Variants in MGMT observed in about 807,000 individuals in gnomAD.
MGMT encodes the protein methylated-DNA--protein-cysteine methyltransferase.
Under a neutral mutation model 15.9 loss-of-function variants are expected in MGMT, and 14 were observed. The ratio of observed to expected loss-of-function variants is 0.88; its 90% CI spans 0.58 to 1.37. The LOEUF (loss-of-function observed/expected upper bound fraction) is 1.37. Among genes scored for constraint, MGMT ranks in the 40% most tolerant of loss-of-function variants. MGMT has a pLI of 0.00. For synonymous variants in MGMT, 130 were observed against 118.2 expected (o/e 1.10, Z -0.65); for missense variants, 282 against 268.1 (o/e 1.05, Z -0.36).
chr10:129,625,726 CGTGT>C (rs527882213), intron 2 of MGMT, among the ~76,000 whole-genome samples: 19 of 3,330 alleles, frequency 5.7e-3, no homozygotes, highest in African/African-American at 6.2e-3. Flanking sequence ...AGTGTGCACA[CGTGT>C]GTGTGCGTGT....
intron 1 of MGMT, among the ~76,000 whole-genome samples, chr10:129,530,989 G>A (rs547188074): frequency 1.8e-4 from 27 of 152,334 alleles, no homozygotes; most frequent in Non-Finnish European, 4.0e-4. Context: ...TGCCCACCTC[G>A]TGCTAGCCTG....
chr10:129,483,220 G>T (rs1223372911), intron 1 of MGMT, among the ~76,000 whole-genome samples: 1 of 152,004 alleles, frequency 6.6e-6, no homozygotes, highest in African/African-American at 2.4e-5. Flanking sequence ...CCCATTTTTT[G>T]TTATATTATT....
At chr10:129,665,245 T>C (rs1293799181) in intron 2 of MGMT, among the ~76,000 whole-genome samples, 1 of 79,872 alleles carries the variant, frequency 1.3e-5, no homozygotes, top group Non-Finnish European at 2.5e-5. Flanking sequence ...CCAACTCACT[T>C]ACCCCCACAC....
intron 2 of MGMT, among the ~76,000 whole-genome samples, chr10:129,573,741 A>G (rs1184509529): frequency 6.6e-6 from 1 of 152,244 alleles, no homozygotes; most frequent in African/African-American, 2.4e-5. Context: ...ACAACAAAAA[A>G]GTGCCTGCTG....
At chr10:129,629,286 A>G (rs1406699704) in intron 2 of MGMT, among the ~76,000 whole-genome samples, 1 of 152,220 alleles carries the variant, frequency 6.6e-6, no homozygotes, top group Non-Finnish European at 1.5e-5. Flanking sequence ...GATTACGGAA[A>G]TATCTGCATG....
intron 3 of MGMT, among the ~76,000 whole-genome samples, chr10:129,729,692 T>C (rs1461924077): frequency 3.9e-5 from 6 of 152,242 alleles, no homozygotes; most frequent in African/African-American, 1.2e-4. Flanking sequence ...AGTAATGATA[T>C]GCCTGCCGCG....
At chr10:129,707,855 G>T in intron 2 of MGMT, 40 bp from the exon 3 acceptor site, 1 of 1,607,174 alleles carries the variant, frequency 6.2e-7, no homozygotes, top group Non-Finnish European at 8.5e-7. Flanking sequence ...GTGGAGGCAG[G>T]GCCCAGAGGT....
chr10:129,564,319 TC>T (rs1235175805), intron 2 of MGMT, among the ~76,000 whole-genome samples: 3 of 21,248 alleles, frequency 1.4e-4, no homozygotes, highest in Non-Finnish European at 1.8e-4. Context: ...CTCTCCTTCC[TC>T]CCCCCTCTTT....
chr10:129,582,574 GGTT>G (rs1237065032), intron 2 of MGMT, among the ~76,000 whole-genome samples: 3 of 151,864 alleles, frequency 2.0e-5, no homozygotes, highest in East Asian at 1.9e-4. Context: ...TATAAAGTCT[GGTT>G]GTTGTTTTTT....
chr10:129,646,084 C>G (rs1847385242), intron 2 of MGMT, among the ~76,000 whole-genome samples: 1 of 151,190 alleles, frequency 6.6e-6, no homozygotes, highest in African/African-American at 2.4e-5. Context: ...ATGTGAAGTA[C>G]AGATATGACA....
intron 2 of MGMT, among the ~76,000 whole-genome samples, chr10:129,582,807 A>G (rs1027165982): frequency 6.6e-5 from 10 of 152,216 alleles, no homozygotes; most frequent in Non-Finnish European, 1.0e-4. Flanking sequence ...TGTGCCCGCC[A>G]TGACCATCCT....
chr10:129,732,748 C>T (rs1221875184), intron 3 of MGMT, among the ~76,000 whole-genome samples: 2 of 138,558 alleles, frequency 1.4e-5, no homozygotes, highest in Non-Finnish European at 3.1e-5. Flanking sequence ...TGATGTTCGC[C>T]TTCCTGTGTC....
intron 2 of MGMT, among the ~76,000 whole-genome samples, chr10:129,702,722 C>T (rs1848113662): frequency 6.6e-6 from 1 of 152,192 alleles, no homozygotes; most frequent in Non-Finnish European, 1.5e-5. Context: ...TTTGGGCTTC[C>T]GAGCAAAGGT....
intron 2 of MGMT, among the ~76,000 whole-genome samples, chr10:129,667,180 C>G (rs1261663850): frequency 6.6e-6 from 1 of 152,150 alleles, no homozygotes; most frequent in Non-Finnish European, 1.5e-5. Context: ...GGCGGCCCCT[C>G]AGAACTCTGC....
intron 3 of MGMT, among the ~76,000 whole-genome samples, chr10:129,708,405 G>A (rs558816865): frequency 2.0e-5 from 3 of 152,322 alleles, no homozygotes; most frequent in African/African-American, 4.8e-5. Context: ...CACAGAAAAC[G>A]AGACTTGTGC....
At chr10:129,669,883 A>C (rs80301289) in intron 2 of MGMT, among the ~76,000 whole-genome samples, 1 of 152,182 alleles carries the variant, frequency 6.6e-6, no homozygotes, top group Non-Finnish European at 1.5e-5. Flanking sequence ...GGTTGAATTT[A>C]TTTTTAAAAA....
intron 3 of MGMT, among the ~76,000 whole-genome samples, chr10:129,723,810 G>A (rs921732781): frequency 2.6e-5 from 4 of 152,212 alleles, no homozygotes; most frequent in Non-Finnish European, 4.4e-5. Context: ...CATTAGGGAA[G>A]TACAGGTTAA....
At chr10:129,707,531 G>A (rs567601909) in intron 2 of MGMT, among the ~76,000 whole-genome samples, 8 of 152,174 alleles carry the variant, frequency 5.3e-5, no homozygotes, top group Non-Finnish European at 1.2e-4. Context: ...GGGCCGTGTG[G>A]TGCAGTCTAA....
intron 3 of MGMT, among the ~76,000 whole-genome samples, chr10:129,738,540 A>G (rs1022406236): frequency 1.3e-5 from 2 of 152,256 alleles, no homozygotes; most frequent in African/African-American, 4.8e-5. Context: ...TGGGAGCTGT[A>G]GACCAGAGCT....
Sources: gnomAD v4.1 joint callset for allele counts (sites outside exome capture counted in the v4.1 genomes callset) on GRCh38, gnomAD v4.1.1 for gene constraint, MANE v1.5 for transcripts, NCBI Gene and HGNC (gene_info 2026-07-23, HGNC 2026-07-21) for gene names.